Variants in OTOGL observed in about 807,000 individuals in gnomAD.
The protein encoded by OTOGL is otogelin-like protein.
Under a neutral mutation model 318.5 loss-of-function variants are expected in OTOGL, and 285 were observed. The observed-to-expected ratio is 0.89, with a 90% CI of 0.81 to 0.99. OTOGL has a LOEUF of 0.99. OTOGL is among the 50% of genes least tolerant of loss of function. The pLI, the probability that OTOGL is intolerant of heterozygous loss-of-function variation, is 0.00. For missense variants in OTOGL, 2,899 were observed against 2,845.6 expected (o/e 1.02, Z -0.43); for synonymous variants, 987 against 936.5 (o/e 1.05, Z -0.99).
intron 1 of OTOGL, among the ~76,000 whole-genome samples, chr12:80,168,342 TATAAG>T (rs1328528660): frequency 6.6e-6 from 1 of 152,178 alleles, no homozygotes; most frequent in Non-Finnish European, 1.5e-5. Context: ...TCTTTCACTC[TATAAG>T]ATATTTTTAA....
intron 1 of OTOGL, 127 bp downstream of exon 1, chr12:80,099,732 T>C (rs536620245): frequency 6.6e-6 from 1 of 152,198 alleles, no homozygotes; most frequent in Non-Finnish European, 1.5e-5. Context: ...CAATATAACC[T>C]GCAATACAAG....
chr12:80,226,177 A>AC (rs1878824294), intron 7 of OTOGL, among the ~76,000 whole-genome samples: 2 of 132,896 alleles, frequency 1.5e-5, no homozygotes, highest in Admixed American at 7.7e-5. Context: ...TCCTGCTCCT[A>AC]ACACACACAC....
At chr12:80,236,829 G>T (rs1868838) in intron 9 of OTOGL, among the ~76,000 whole-genome samples, 144,971 of 145,768 alleles carry the variant, frequency 0.99, 72,090 homozygotes, top group Middle Eastern at 1. Flanking sequence ...TTTTTTTTTT[G>T]TTTGAGACAG....
At chr12:80,197,367 C>T (rs1163780221) in intron 1 of OTOGL, among the ~76,000 whole-genome samples, 1 of 152,106 alleles carries the variant, frequency 6.6e-6, no homozygotes, top group East Asian at 1.9e-4. Flanking sequence ...GCTGGGACTA[C>T]AGGCACCTGC....
At chr12:80,294,910 A>T (rs1052916206) in intron 26 of OTOGL, among the ~76,000 whole-genome samples, 8 of 152,102 alleles carry the variant, frequency 5.3e-5, no homozygotes, top group Middle Eastern at 3.2e-3. Context: ...AAACATAGTG[A>T]CACCCTGCCT....
chr12:80,176,371 T>C (rs931983498), intron 1 of OTOGL, among the ~76,000 whole-genome samples: 1 of 152,168 alleles, frequency 6.6e-6, no homozygotes, highest in Admixed American at 6.6e-5. Context: ...TATGTTTCCT[T>C]GTGTCTCTTC....
intron 28 of OTOGL, among the ~76,000 whole-genome samples, 161 bp downstream of exon 28, chr12:80,302,944 G>A (rs1885863786): frequency 6.6e-6 from 1 of 152,148 alleles, no homozygotes; most frequent in East Asian, 1.9e-4. Context: ...CACCAACTAA[G>A]TACAGTGTTT....
rs755271518 is a variant in OTOGL at position 80,310,726 on chromosome 12, T to C, written c.3449T>C (p.Val1150Ala). 1.3e-6 allele frequency: 2 copies of C among 1,546,010 alleles called. No individual in the cohort carries two copies. The highest frequency in any genetic ancestry group is 4.5e-5 in the East Asian group (2 of 44,582). ...YSDIFASCRNVIDVTSFAKNC... is the reference protein window; with the variant it reads ...YSDIFASCRNAIDVTSFAKNC... ...GATATTTTTGCTTCTTGTCGCAATG[T>C]GGTAAATGAATACTTTAATGAACTC... Residue 1150 changes from valine (V) to alanine (A), a missense_variant and splice_region_variant, in exon 30 of 59, where the codon GTG becomes GCG. By Grantham distance (64) the Val-to-Ala change is moderately conservative (BLOSUM62 0). Coordinates refer to ENST00000547103, the MANE Select transcript of OTOGL (RefSeq NM_001378609.3).
intron 42 of OTOGL, among the ~76,000 whole-genome samples, chr12:80,337,438 A>G (rs150994454): frequency 2.6e-5 from 4 of 152,252 alleles, no homozygotes; most frequent in South Asian, 2.1e-4. Flanking sequence ...TGTTGACATA[A>G]TTAAGTTTTT....
chr12:80,282,244 C>T (rs1409978153), intron 26 of OTOGL, among the ~76,000 whole-genome samples: 1 of 151,742 alleles, frequency 6.6e-6, no homozygotes, highest in Non-Finnish European at 1.5e-5. Context: ...CTGGATGTGA[C>T]TTTTATATTA....
At chr12:80,356,311 C>A (rs906224926) in intron 47 of OTOGL, 105 bp from the exon 48 acceptor site, 8 of 824,212 alleles carry the variant, frequency 9.7e-6, no homozygotes, top group Non-Finnish European at 1.5e-5. Context: ...AGAGTCATTT[C>A]CCGTCTTTGA....
intron 1 of OTOGL, among the ~76,000 whole-genome samples, chr12:80,134,587 C>T (rs758450992): frequency 2.6e-5 from 4 of 151,990 alleles, no homozygotes; most frequent in Non-Finnish European, 4.4e-5. Flanking sequence ...ATTGGTAGTC[C>T]ACTACTCATG....
At chr12:80,338,255 G>T (rs2137922869) in intron 42 of OTOGL, among the ~76,000 whole-genome samples, 2 of 152,166 alleles carry the variant, frequency 1.3e-5, no homozygotes, top group Admixed American at 1.3e-4. Flanking sequence ...ATGTCTTATA[G>T]TTTGTAGTCG....
intron 11 of OTOGL, among the ~76,000 whole-genome samples, chr12:80,249,439 G>C (rs377172830): frequency 4.1e-4 from 62 of 151,496 alleles, no homozygotes; most frequent in South Asian, 3.1e-3. Context: ...AGGTGTCAGT[G>C]TGCCCCTGCT....
At chr12:80,125,694 T>G (rs1870784037) in intron 1 of OTOGL, among the ~76,000 whole-genome samples, 1 of 152,172 alleles carries the variant, frequency 6.6e-6, no homozygotes, top group South Asian at 2.1e-4. Flanking sequence ...GGTAAGCTAT[T>G]AATTATTGCC....
In OTOGL at chr12:80,125,123, A is replaced by G. The variant is rs945821841; in HGVS notation, c.-20+25518A>G. Among the ~76,000 whole-genome samples the G allele has an allele frequency of 3.3e-5, 5 of 152,350 alleles. No homozygotes were observed. In the South Asian group the frequency reaches 1.0e-3, roughly 32 times the overall value. On this transcript the variant is annotated intron_variant, in intron 1 of 58. Transcript: ENST00000547103. Reference sequence around the variant, plus strand: ...GCATCCCTGTCTTGTGCTGGTTTTCAAAGGGAATGCTTCCAGGTTCTGCCC... The same window carrying G: ...GCATCCCTGTCTTGTGCTGGTTTTCGAAGGGAATGCTTCCAGGTTCTGCCC...
intron 32 of OTOGL, among the ~76,000 whole-genome samples, chr12:80,316,203 G>T (rs1353173354): frequency 6.6e-6 from 1 of 152,122 alleles, no homozygotes; most frequent in Non-Finnish European, 1.5e-5. Context: ...GTGGCCTACT[G>T]TATGGTTAAT....
rs905743555 is a variant in OTOGL, at chr12:80,228,278, C to CA, written c.490-972dup. 4.4e-3 allele frequency among the ~76,000 whole-genome samples: 668 copies of CA among 151,666 alleles called. 6 individuals carry two copies. Among genetic ancestry groups the CA allele is most frequent in the African/African-American group, 0.016 (643 of 41,368 alleles). ...TAACATAGTGAAACCCCATCTCTACCAAAAAAATAGAAAAATTAGCCGGTT... is the reference window on the plus strand; with the variant it reads ...TAACATAGTGAAACCCCATCTCTACCAAAAAAAATAGAAAAATTAGCCGGTT... On this transcript the variant is annotated intron_variant, in intron 7 of 58. Transcript: ENST00000547103.
chr12:80,279,092 G>A lies in OTOGL; in HGVS notation c.2854G>A (p.Gly952Arg), dbSNP rs759133667. 1.2e-5 allele frequency: 19 copies of A among 1,592,370 alleles called. No individual in the cohort carries two copies. In the Admixed American group the frequency reaches 2.0e-4, roughly 17 times the overall value. The change falls in exon 26 of 59, where the codon GGG (glycine) becomes AGG (arginine). Residue 952 changes from glycine to arginine, a missense_variant. Physicochemically the swap from Gly to Arg is moderately radical, Grantham distance 125. Transcript: ENST00000547103. ...ATGCCCAGCAGTGTGCACAATATAC[G>A]GGGACCGACATTATTATTCTTTTGA... ...YPCPAVCTIY[G>R]DRHYYSFDGL...
Sources: allele counts gnomAD v4.1 joint callset (sites outside exome capture counted in the v4.1 genomes callset), GRCh38; gene constraint gnomAD v4.1.1; transcripts MANE v1.5; gene names NCBI Gene and HGNC (gene_info 2026-07-23, HGNC 2026-07-21).